DYNC2H1: variants seen among roughly 807,000 people sequenced by gnomAD.
DYNC2H1 encodes the protein dynein cytoplasmic 2 heavy chain 1, also known as cytoplasmic dynein 2 heavy chain 1.
Under a neutral mutation model 570.0 loss-of-function variants are expected in DYNC2H1, and 410 were observed. The ratio of observed to expected loss-of-function variants is 0.72; its 90% CI spans 0.66 to 0.78. The LOEUF is 0.78. Among genes scored for constraint, DYNC2H1 ranks in the 30% least tolerant of loss-of-function variants. The probability of loss-of-function intolerance (pLI) is 0.00; values close to 1 mark genes in which losing one functional copy is unlikely to be tolerated. For missense variants in DYNC2H1, 4,865 were observed against 5,046.4 expected, an observed-to-expected ratio of 0.96 and a Z score of 1.09; for synonymous variants, 1,688 against 1,677.6, an observed-to-expected ratio of 1.01 and a Z score of -0.15.
chr11:103,283,667 T>G (rs1369237145), intron 73 of DYNC2H1, among the ~76,000 whole-genome samples: 1 of 152,200 alleles, frequency 6.6e-6, no homozygotes, highest in African/African-American at 2.4e-5. Context: ...TATTGTAATT[T>G]TCCTTGTGTC....
intron 1 of DYNC2H1, among the ~76,000 whole-genome samples, chr11:103,113,178 G>T (rs909717515): frequency 4.6e-5 from 7 of 152,072 alleles, no homozygotes; most frequent in Non-Finnish European, 8.8e-5. Flanking sequence ...TGTGTACCTG[G>T]AGCCTACAGC....
chr11:103,305,413 A>G lies in DYNC2H1; in HGVS notation c.11382+693A>G, dbSNP rs1867238636. On this transcript the variant is annotated intron_variant, in intron 77 of 88. Transcript: ENST00000375735. This position sits in a 1 kb window ranked among gnomAD's most constrained non-coding sequence, Gnocchi z 4.3. ...ATGAAGAGATGTCCTTGATAGTACT[A>G]GACGGGCCAGGCAGGGAAGCGTGGG... 6.6e-6 allele frequency among the ~76,000 whole-genome samples: 1 copy of G among 152,166 alleles called. No homozygotes were observed. Among genetic ancestry groups the G allele is most frequent in the Non-Finnish European group, 1.5e-5 (1 of 68,028 alleles).
At chr11:103,227,400 A>C (rs911586107) in intron 59 of DYNC2H1, among the ~76,000 whole-genome samples, 2 of 152,122 alleles carry the variant, frequency 1.3e-5, no homozygotes, top group African/African-American at 4.8e-5. Flanking sequence ...AATTCAGTTC[A>C]AACAATTTTT....
At chr11:103,197,361 T>G (rs1862542632) in intron 47 of DYNC2H1, among the ~76,000 whole-genome samples, 1 of 151,876 alleles carries the variant, frequency 6.6e-6, no homozygotes, top group Non-Finnish European at 1.5e-5. Flanking sequence ...GAGAAAGAAG[T>G]GAGGGGGCAG....
chr11:103,186,000 T>C lies in DYNC2H1; in HGVS notation c.6634-242T>C, dbSNP rs573519824. Among the ~76,000 whole-genome samples, 134 of 152,070 alleles carry C rather than the reference T, an allele frequency of 8.8e-4. No homozygotes were observed. Among genetic ancestry groups the C allele is most frequent in the Middle Eastern group, 6.8e-3 (2 of 294 alleles). On this transcript the variant is annotated intron_variant, in intron 41 of 88. Coordinates refer to ENST00000375735, the MANE Select transcript of DYNC2H1 (RefSeq NM_001377.3). The surrounding 1 kb of genome is among the most constrained non-coding windows in gnomAD (Gnocchi z 4.5). Reference sequence around the variant, plus strand: ...AAAATGGAATATATTTATACCTTAGTGTATAAATAAATATCCACTATGTCA... The same window carrying C: ...AAAATGGAATATATTTATACCTTAGCGTATAAATAAATATCCACTATGTCA...
intron 87 of DYNC2H1, among the ~76,000 whole-genome samples, chr11:103,467,287 T>G (rs943422308): frequency 2.0e-5 from 3 of 152,214 alleles, no homozygotes; most frequent in Non-Finnish European, 4.4e-5. Context: ...CCAGCTCTTT[T>G]ACTAACAACA....
intron 22 of DYNC2H1, 124 bp from the exon 23 acceptor site, chr11:103,154,326 CT>C (rs1304046742): frequency 5.6e-6 from 4 of 709,700 alleles, no homozygotes; most frequent in South Asian, 3.0e-5. Flanking sequence ...TATTGTATAT[CT>C]ATTAAACATA....
rs1864544674 is a variant in DYNC2H1, at chr11:103,244,746, A to G, written c.9919-505A>G. Among the ~76,000 whole-genome samples, 1 of 148,288 alleles carries G rather than the reference A, an allele frequency of 6.7e-6. No homozygotes were observed. Among genetic ancestry groups the G allele is most frequent in the Admixed American group, 6.8e-5 (1 of 14,728 alleles). ...TATATACATATAAGTATATAAATAT[A>G]CTATATATATCTATAGTTACAGTTA... On this transcript the variant is annotated intron_variant, in intron 64 of 88. Transcript: ENST00000375735. This position sits in a 1 kb window ranked among gnomAD's most constrained non-coding sequence, Gnocchi z 4.3.
At chr11:103,148,847 G>A (rs1378755278) in intron 20 of DYNC2H1, among the ~76,000 whole-genome samples, 1 of 152,040 alleles carries the variant, frequency 6.6e-6, no homozygotes, top group Non-Finnish European at 1.5e-5. Flanking sequence ...TCACGAGGTT[G>A]GGAGTTCAAG....
At chr11:103,393,854 G>A (rs1378108643) in intron 83 of DYNC2H1, among the ~76,000 whole-genome samples, 1 of 152,196 alleles carries the variant, frequency 6.6e-6, no homozygotes, top group East Asian at 1.9e-4. Flanking sequence ...GATGCGGGCA[G>A]GCAAAGAGAG....
chr11:103,440,046 C>T (rs1336009476), intron 85 of DYNC2H1, among the ~76,000 whole-genome samples: 1 of 152,102 alleles, frequency 6.6e-6, no homozygotes, highest in African/African-American at 2.4e-5. Flanking sequence ...GTAAATCTTA[C>T]ATTGTCAGCT....
rs1858004573 is a variant in DYNC2H1, at chr11:103,109,490, A to C, written c.-85A>C. The stretch of plus-strand genomic sequence containing the variant: ...CGCGGTCGGGCTACGGGTTTGAGCA[A>C]AGCTCCTCTCTTCCCTTCACTTCCC... On this transcript the variant is annotated 5_prime_UTR_variant, in exon 1 of 89. Coordinates refer to ENST00000375735, the MANE Select transcript of DYNC2H1 (RefSeq NM_001377.3). The C allele has an allele frequency of 3.7e-6, 5 of 1,339,892 alleles. No individual in the cohort carries two copies. The African/African-American group carries it at 4.4e-5, about 12-fold the overall frequency. The allele number at this position is 1,339,892 out of a possible 1,614,324, so 83.0% of individuals were successfully genotyped here.
chr11:103,367,914 G>A (rs1222796301), intron 83 of DYNC2H1, among the ~76,000 whole-genome samples: 1 of 152,002 alleles, frequency 6.6e-6, no homozygotes, highest in Admixed American at 6.6e-5. Context: ...TGTCTTCCAG[G>A]TTCCTCCGTG....
At chr11:103,235,637 T>C (rs1864189845) in intron 61 of DYNC2H1, 35 bp from the exon 62 acceptor site, 1 of 1,582,516 alleles carries the variant, frequency 6.3e-7, no homozygotes, top group Non-Finnish European at 8.6e-7. Context: ...AACATACTCA[T>C]ATATCTCCCT....
At position 103,133,486 on chromosome 11, in the gene DYNC2H1, T is replaced by A; in HGVS notation, c.1954-69T>A. 1 of 1,441,752 alleles carries A rather than the reference T, an allele frequency of 6.9e-7. No individual in the cohort carries two copies. The highest frequency in any genetic ancestry group is 9.4e-7 in the Non-Finnish European group (1 of 1,069,008). The allele number at this position is 1,441,752 out of a possible 1,614,324, so 89.3% of individuals were successfully genotyped here. ...GAGTTGGGGATAGTTGAACTTTTGA[T>A]ATAGAATATTGAAACTTTTGGAAAA... is the stretch of plus-strand genomic sequence containing the variant. On this transcript the variant is annotated intron_variant, in intron 13 of 88. Transcript: ENST00000375735. This position sits in a 1 kb window ranked among gnomAD's most constrained non-coding sequence, Gnocchi z 4.8.
chr11:103,366,460 A>G, intron 83 of DYNC2H1, among the ~76,000 whole-genome samples: 1 of 152,228 alleles, frequency 6.6e-6, no homozygotes. Flanking sequence ...TGTTTTTCAT[A>G]GAATTTTTAG....
intron 82 of DYNC2H1, among the ~76,000 whole-genome samples, chr11:103,337,088 A>AT (rs1939176332): frequency 6.6e-6 from 1 of 152,228 alleles, no homozygotes; most frequent in Non-Finnish European, 1.5e-5. Context: ...GCTTAAAGGC[A>AT]TTCCTGAGCC....
chr11:103,240,850 C>A, intron 63 of DYNC2H1, among the ~76,000 whole-genome samples: 1 of 152,168 alleles, frequency 6.6e-6, no homozygotes, highest in Non-Finnish European at 1.5e-5. Context: ...ATTTCATTAT[C>A]CTTAGACATG....
rs191523634 is a variant in DYNC2H1, at chr11:103,181,476, A to G, written c.6348-281A>G. 8.8e-4 allele frequency among the ~76,000 whole-genome samples: 133 copies of G among 151,756 alleles called. No individual in the cohort carries two copies. Among genetic ancestry groups the G allele is most frequent in the Admixed American group, 1.9e-3 (29 of 15,198 alleles). ...TATAATTCTCGTTTAGTTTATATTT[A>G]TAATAAAATAGATGAAATGTATTTG... On this transcript the variant is annotated intron_variant, in intron 39 of 88. Transcript: ENST00000375735. The surrounding 1 kb of genome is among the most constrained non-coding windows in gnomAD (Gnocchi z 5.0).
Sources: allele counts gnomAD v4.1 joint callset (sites outside exome capture counted in the v4.1 genomes callset), GRCh38; gene constraint gnomAD v4.1.1; non-coding constraint Gnocchi (gnomAD v3.1); transcripts MANE v1.5; gene names NCBI Gene and HGNC (gene_info 2026-07-23, HGNC 2026-07-21).